Variants in NAT16 observed in about 807,000 individuals in gnomAD.
NAT16 encodes the protein N-acetyltransferase 16 (putative), also known as probable N-acetyltransferase 16.
NAT16 carries 16 observed loss-of-function variants against 15.9 expected under a neutral mutation model. The ratio of observed to expected loss-of-function variants is 1.01; its 90% CI spans 0.68 to 1.53. The LOEUF (loss-of-function observed/expected upper bound fraction) is 1.53. Ranked by LOEUF, NAT16 falls within the 40% of genes most tolerant of loss-of-function variation. NAT16 has a pLI of 0.00. For missense variants in NAT16, 572 were observed against 508.4 expected, an observed-to-expected ratio of 1.13 and a Z score of -1.20; for synonymous variants, 260 against 241.9, an observed-to-expected ratio of 1.07 and a Z score of -0.69.
Position 101,174,579 on chromosome 7 carries a change from G to GGCCGCCGTAGAT in NAT16, c.217_228dup (p.Ile73_Gly76dup). The GGCCGCCGTAGAT allele has an allele frequency of 1.9e-6, 3 of 1,613,976 alleles. No individual in the cohort carries two copies. The highest frequency in any genetic ancestry group is 2.5e-6 in the Non-Finnish European group (3 of 1,179,940). The stretch of plus-strand genomic sequence containing the variant: ...TGGTAGCGGCTAGGAAGGTAGTCCA[G>GGCCGCCGTAGAT]GCCGCCGTAGATGCCCCCCGAGATG... On this transcript the variant is annotated inframe_insertion, in exon 2 of 4. Coordinates refer to ENST00000300303, the MANE Select transcript of NAT16 (RefSeq NM_198571.3).
rs1267701131 is a variant in NAT16 at position 101,174,398 on chromosome 7, G to A, written c.312+98C>T. The A allele has an allele frequency of 1.5e-5, 21 of 1,404,922 alleles. No individual in the cohort carries two copies. The African/African-American group carries it at 2.5e-4, about 16-fold the overall frequency. 87.0% of individuals were successfully genotyped at this position (1,404,922 alleles called of 1,614,324 possible). ...AGGCTCTATTTCCGCAGCCTCCAGA[G>A]GAAGGCTGGGGAGAAGCTCTCATCC... On this transcript the variant is annotated intron_variant, in intron 2 of 3. Coordinates refer to ENST00000300303, the MANE Select transcript of NAT16 (RefSeq NM_198571.3).
intron 1 of NAT16, among the ~76,000 whole-genome samples, chr7:101,178,338 G>A (rs545355055): frequency 7.2e-5 from 11 of 152,218 alleles, no homozygotes; most frequent in African/African-American, 2.4e-4. Flanking sequence ...CCTTGGAGGA[G>A]GCGAGTAATA....
rs1234470087 is a variant in NAT16 at position 101,172,366 on chromosome 7, G to C, written c.823C>G (p.Arg275Gly). Reference sequence around the variant, plus strand: ...GGGCGCGTGCACAGCGTGAGCACGCGCGGGCGCGCGCGGCTGTCCACGCGC... The same window carrying C: ...GGGCGCGTGCACAGCGTGAGCACGCCCGGGCGCGCGCGGCTGTCCACGCGC... ...EWRVDSRARP[R>G]VLTLCTRPFP... The change falls in exon 4 of 4, where the codon CGC (arginine) becomes GGC (glycine). Residue 275 changes from arginine (R) to glycine (G), a missense_variant. Arg to Gly is a moderately radical substitution (Grantham distance 125, BLOSUM62 -2). Coordinates refer to ENST00000300303, the MANE Select transcript of NAT16 (RefSeq NM_198571.3). This position sits in a 1 kb window ranked among gnomAD's most constrained non-coding sequence, Gnocchi z 4.2. 6.4e-7 allele frequency: 1 copy of C among 1,573,732 alleles called. No homozygotes were observed. Among genetic ancestry groups the C allele is most frequent in the Non-Finnish European group, 8.6e-7 (1 of 1,162,908 alleles).
chr7:101,178,188 G>A (rs1056187163), intron 1 of NAT16, among the ~76,000 whole-genome samples: 2 of 152,146 alleles, frequency 1.3e-5, no homozygotes, highest in African/African-American at 2.4e-5. Flanking sequence ...GGGAGGTAAG[G>A]GTAGGGGTGG....
In NAT16 at chr7:101,173,279, C is replaced by T. The variant is rs765247251; in HGVS notation, c.537+17G>A. 3.1e-6 allele frequency: 5 copies of T among 1,608,898 alleles called. No homozygotes were observed. In the African/African-American group the frequency reaches 5.3e-5, roughly 17 times the overall value. On this transcript the variant is annotated intron_variant, in intron 3 of 3. Coordinates refer to ENST00000300303, the MANE Select transcript of NAT16 (RefSeq NM_198571.3). ...CAGCAGAGAGGCCCAGCCATCCGAG[C>T]TCCCTGTCCTTCTCACCTGCTTGGT...
chr7:101,177,446 G>A (rs529271728), intron 1 of NAT16, among the ~76,000 whole-genome samples: 4 of 152,206 alleles, frequency 2.6e-5, no homozygotes, highest in East Asian at 1.9e-4. Context: ...GGGCTCAAGC[G>A]ATCCTCCCAC....
In NAT16 at chr7:101,172,035, G is replaced by A. The variant is rs1189910736; in HGVS notation, c.*44C>T. 1.4e-6 allele frequency: 2 copies of A among 1,394,172 alleles called. No individual in the cohort carries two copies. Among genetic ancestry groups the A allele is most frequent in the Non-Finnish European group, 2.0e-6 (2 of 1,000,708 alleles). 86.4% of individuals were successfully genotyped at this position (1,394,172 alleles called of 1,614,324 possible). ...AAAGAGGCTGGCTGGGGAAACTGCG[G>A]AAGGGGGCGGGTCTTTTTCCCCCTC... On this transcript the variant is annotated 3_prime_UTR_variant, in exon 4 of 4. Coordinates refer to ENST00000300303, the MANE Select transcript of NAT16 (RefSeq NM_198571.3). This position sits in a 1 kb window ranked among gnomAD's most constrained non-coding sequence, Gnocchi z 4.2.
In NAT16 at chr7:101,172,696, G is replaced by T; in HGVS notation, c.538-45C>A. ...GCGCGGGGAGGGGGGGCGCAGCAGG[G>T]CTGGCGAGCCCGGCGCCTCTCGGCA... is the stretch of plus-strand genomic sequence containing the variant. On this transcript the variant is annotated intron_variant, in intron 3 of 3. Coordinates refer to ENST00000300303, the MANE Select transcript of NAT16 (RefSeq NM_198571.3). This position sits in a 1 kb window ranked among gnomAD's most constrained non-coding sequence, Gnocchi z 4.2. 7.2e-7 allele frequency: 1 copy of T among 1,387,018 alleles called. No homozygotes were observed. Among genetic ancestry groups the T allele is most frequent in the Non-Finnish European group, 9.4e-7 (1 of 1,065,148 alleles). 85.9% of individuals were successfully genotyped at this position (1,387,018 alleles called of 1,614,324 possible). A position where few individuals can be genotyped will look rare whatever the true frequency, so the allele number is the denominator to read the frequency against.
chr7:101,174,569 A>G lies in NAT16; in HGVS notation c.239T>C (p.Leu80Pro). 6.2e-7 allele frequency: 1 copy of G among 1,613,798 alleles called. No homozygotes were observed. Among genetic ancestry groups the G allele is most frequent in the Non-Finnish European group, 8.5e-7 (1 of 1,179,902 alleles). ...SGGIYGGLDY[L>P]PSRYHSWLRD... ...GAGCCAGCTGTGGTAGCGGCTAGGA[A>G]GGTAGTCCAGGCCGCCGTAGATGCC... is the stretch of plus-strand genomic sequence containing the variant. The change falls in exon 2 of 4, where the codon CTT (leucine) becomes CCT (proline). Residue 80 changes from leucine to proline, a missense_variant. Leu to Pro is a moderately conservative substitution (Grantham distance 98). Transcript: ENST00000300303.
In NAT16 at chr7:101,171,913, G is replaced by A. The variant is rs1797330578; in HGVS notation, c.*166C>T. On this transcript the variant is annotated 3_prime_UTR_variant, in exon 4 of 4. Coordinates refer to ENST00000300303, the MANE Select transcript of NAT16 (RefSeq NM_198571.3). ...GGGGAGCTAGAGGCAAGATAGTAAG[G>A]GCAAAAGGGACAGAGTGGGGGGACC... 3.3e-6 allele frequency: 2 copies of A among 600,134 alleles called. No individual in the cohort carries two copies. Among genetic ancestry groups the A allele is most frequent in the Admixed American group, 3.1e-5 (1 of 32,508 alleles). 37.2% of individuals were successfully genotyped at this position (600,134 alleles called of 1,614,324 possible).
chr7:101,172,110 G>A lies in NAT16; in HGVS notation c.1079C>T (p.Thr360Ile), dbSNP rs1412454836. 2 of 1,613,810 alleles carry A rather than the reference G, an allele frequency of 1.2e-6. No individual in the cohort carries two copies. Among genetic ancestry groups the A allele is most frequent in the Non-Finnish European group, 1.7e-6 (2 of 1,179,854 alleles). ...GLGLELVKGY[T>I]EQYLLEADI ...GTCGGCCTCCAGCAGGTACTGTTCA[G>A]TATAACCCTTCACCAGCTCCAGTCC... is the stretch of plus-strand genomic sequence containing the variant. Residue 360 changes from threonine to isoleucine, a missense_variant, in exon 4 of 4, where the codon ACT (threonine) becomes ATT (isoleucine). Physicochemically the swap from Thr to Ile is moderately conservative, Grantham distance 89. Coordinates refer to ENST00000300303, the MANE Select transcript of NAT16 (RefSeq NM_198571.3). The surrounding 1 kb of genome is among the most constrained non-coding windows in gnomAD (Gnocchi z 4.2).
chr7:101,172,561 G>T lies in NAT16; in HGVS notation c.628C>A (p.Pro210Thr). 6.5e-7 allele frequency: 1 copy of T among 1,547,856 alleles called. No individual in the cohort carries two copies. The highest frequency in any genetic ancestry group is 1.4e-5 in the African/African-American group (1 of 72,068). ...TCGGACACGGCCTCGGTGGGCAGCG[G>T]CGAGAAGGTGCCAGAGGTCCGCAGC... ...AALRTSGTFS[P>T]LPTEAVSEAG... Residue 210 changes from proline (P) to threonine (T), a missense_variant, in exon 4 of 4, where the codon CCG (proline) becomes ACG (threonine). Physicochemically the swap from Pro to Thr is conservative, Grantham distance 38. Transcript: ENST00000300303. The surrounding 1 kb of genome is among the most constrained non-coding windows in gnomAD (Gnocchi z 4.2).
intron 1 of NAT16, chr7:101,179,000 G>A (rs566866663): frequency 3.7e-4 from 56 of 152,012 alleles, no homozygotes; most frequent in African/African-American, 1.2e-3. Flanking sequence ...CTTTGGGGAG[G>A]GGGTGATCAG....
intron 2 of NAT16, 93 bp downstream of exon 2, chr7:101,174,403 G>T: frequency 7.0e-7 from 1 of 1,428,090 alleles, no homozygotes; most frequent in Non-Finnish European, 9.2e-7. Flanking sequence ...CCAGAGGAAG[G>T]CTGGGGAGAA....
chr7:101,172,315 C>T lies in NAT16; in HGVS notation c.874G>A (p.Gly292Ser). ...RPFPIPHGGDGTWRYLNIDAF... is the reference protein window; with the variant it reads ...RPFPIPHGGDSTWRYLNIDAF... ...TCGATGTTGAGATAGCGCCAAGTGC[C>T]GTCCCCTCCGTGCGGGATGGGGAAG... is the stretch of plus-strand genomic sequence containing the variant. The change falls in exon 4 of 4, where the codon GGC becomes AGC. Residue 292 changes from glycine (G) to serine (S), a missense_variant. Physicochemically the swap from Gly to Ser is moderately conservative, Grantham distance 56. Transcript: ENST00000300303. This position sits in a 1 kb window ranked among gnomAD's most constrained non-coding sequence, Gnocchi z 4.2. 1.2e-6 allele frequency: 2 copies of T among 1,608,852 alleles called. No homozygotes were observed. Among genetic ancestry groups the T allele is most frequent in the Non-Finnish European group, 1.7e-6 (2 of 1,178,318 alleles).
Position 101,172,041 on chromosome 7 carries a change from G to T in NAT16, c.*38C>A. ...GCTGGCTGGGGAAACTGCGGAAGGG[G>T]GCGGGTCTTTTTCCCCCTCCCCGCC... On this transcript the variant is annotated 3_prime_UTR_variant, in exon 4 of 4. Transcript: ENST00000300303. This position sits in a 1 kb window ranked among gnomAD's most constrained non-coding sequence, Gnocchi z 4.2. 7.0e-7 allele frequency: 1 copy of T among 1,433,032 alleles called. No individual in the cohort carries two copies. The highest frequency in any genetic ancestry group is 9.7e-7 in the Non-Finnish European group (1 of 1,031,870). The allele number at this position is 1,433,032 out of a possible 1,614,324, so 88.8% of individuals were successfully genotyped here.
chr7:101,175,781 A>G (rs1050275247), intron 1 of NAT16, among the ~76,000 whole-genome samples: 7 of 152,060 alleles, frequency 4.6e-5, no homozygotes, highest in Non-Finnish European at 8.8e-5. Flanking sequence ...TTAGCCAGGC[A>G]TGGTGGTGCA....
chr7:101,178,434 A>C (rs1018558008), intron 1 of NAT16, among the ~76,000 whole-genome samples: 2 of 152,118 alleles, frequency 1.3e-5, no homozygotes, highest in Non-Finnish European at 2.9e-5. Context: ...CCTACCCTCC[A>C]GTCCAGCACC....
rs1441792907 is a variant in NAT16 at position 101,172,717 on chromosome 7, C to CAA, written c.538-67_538-66insTT. On this transcript the variant is annotated intron_variant, in intron 3 of 3. Transcript: ENST00000300303. This position sits in a 1 kb window ranked among gnomAD's most constrained non-coding sequence, Gnocchi z 4.2. ...CAGGGCTGGCGAGCCCGGCGCCTCTCGGCAGGCATCTTCACTCCCACGTTC... is the reference window on the plus strand; with the variant it reads ...CAGGGCTGGCGAGCCCGGCGCCTCTCAAGGCAGGCATCTTCACTCCCACGTTC... The CAA allele has an allele frequency of 3.1e-6, 4 of 1,279,580 alleles. No individual in the cohort carries two copies. The highest frequency in any genetic ancestry group is 4.1e-6 in the Non-Finnish European group (4 of 973,322). The allele number at this position is 1,279,580 out of a possible 1,614,324, so 79.3% of individuals were successfully genotyped here.
Sources: allele counts gnomAD v4.1 joint callset (sites outside exome capture counted in the v4.1 genomes callset), GRCh38; gene constraint gnomAD v4.1.1; non-coding constraint Gnocchi (gnomAD v3.1); transcripts MANE v1.5; gene names NCBI Gene and HGNC (gene_info 2026-07-23, HGNC 2026-07-21).